SLC8A1: variants seen among roughly 807,000 people sequenced by gnomAD.
SLC8A1 encodes sodium/calcium exchanger 1.
SLC8A1 carries 18 observed loss-of-function variants against 68.3 expected under a neutral mutation model. The ratio of observed to expected loss-of-function variants is 0.26; its 90% CI spans 0.18 to 0.39. The LOEUF is 0.39. Ranked by LOEUF, SLC8A1 falls within the 10% of genes least tolerant of loss-of-function variation. The pLI is 1.00. For missense variants in SLC8A1, 985 were observed against 1,156.7 expected (o/e 0.85, Z 2.15); for synonymous variants, 475 against 415.5 (o/e 1.14, Z -1.74).
intron 2 of SLC8A1, among the ~76,000 whole-genome samples, chr2:40,324,698 T>G (rs942521584): frequency 4.6e-5 from 7 of 152,024 alleles, no homozygotes; most frequent in African/African-American, 1.7e-4. Context: ...CTCCCTGTCT[T>G]TCTCTCTCTC....
At chr2:40,221,885 G>A (rs1213638001) in intron 2 of SLC8A1, among the ~76,000 whole-genome samples, 1 of 152,176 alleles carries the variant, frequency 6.6e-6, no homozygotes, top group Non-Finnish European at 1.5e-5. Context: ...CAAACAAATG[G>A]AAAAGCATTC....
chr2:40,228,087 A>T (rs1297643846), intron 2 of SLC8A1, among the ~76,000 whole-genome samples: 2 of 152,132 alleles, frequency 1.3e-5, no homozygotes, highest in African/African-American at 4.8e-5. Flanking sequence ...TTAAAAAACC[A>T]TTTGTCTTGA....
chr2:40,429,065 C>A (rs377398630), exon 2 of SLC8A1: 1 of 1,611,980 alleles, frequency 6.2e-7, no homozygotes, highest in Admixed American at 1.7e-5. Flanking sequence ...ATCTTACTAA[C>A]AGGGTCATTT....
At chr2:40,357,348 T>C (rs892041802) in intron 2 of SLC8A1, among the ~76,000 whole-genome samples, 2 of 150,962 alleles carry the variant, frequency 1.3e-5, no homozygotes, top group African/African-American at 4.9e-5. Flanking sequence ...TTTTTTTTAA[T>C]TAGCCAAATG....
intron 2 of SLC8A1, among the ~76,000 whole-genome samples, chr2:40,415,443 A>C (rs1693513716): frequency 6.6e-6 from 1 of 152,054 alleles, no homozygotes; most frequent in African/African-American, 2.4e-5. Context: ...AAAAAAAAGA[A>C]AACTGCCAAT....
intron 1 of SLC8A1, among the ~76,000 whole-genome samples, chr2:40,474,404 GA>G (rs1331009851): frequency 2.6e-5 from 4 of 152,134 alleles, no homozygotes; most frequent in African/African-American, 9.7e-5. Flanking sequence ...TGGTTTCTCA[GA>G]AAAGAAACCT....
At chr2:40,429,017 A>C in exon 2 of SLC8A1, 2 of 1,613,608 alleles carry the variant, frequency 1.2e-6, no homozygotes, top group Non-Finnish European at 1.7e-6. Context: ...ACAGTACCAC[A>C]GTTCTCCAGA....
At chr2:40,382,931 CT>C (rs1682375201) in intron 2 of SLC8A1, among the ~76,000 whole-genome samples, 1 of 152,008 alleles carries the variant, frequency 6.6e-6, no homozygotes, top group Non-Finnish European at 1.5e-5. Context: ...ATTAATTCAT[CT>C]GAATAAACAC....
At chr2:40,462,001 C>CTTTTTTTTTTTTTATTTTTTTTTTT (rs1703369319) in intron 1 of SLC8A1, among the ~76,000 whole-genome samples, 1 of 66,176 alleles carries the variant, frequency 1.5e-5, no homozygotes, top group Non-Finnish European at 2.9e-5. Context: ...TAAAATCCTC[C>CTTTTTTTTTTTTTATTTTTTTTTTT]TTTTTTTTTT....
chr2:40,127,445 G>A (rs1015157881), intron 7 of SLC8A1, among the ~76,000 whole-genome samples: 4 of 152,196 alleles, frequency 2.6e-5, no homozygotes, highest in Middle Eastern at 3.4e-3. Context: ...GTTAGTTTTG[G>A]GGTTCTGATT....
In SLC8A1 at chr2:40,399,442, A is replaced by G. The variant is rs376857121; in HGVS notation, c.1808+29031T>C. Among the ~76,000 whole-genome samples the G allele has an allele frequency of 1.1e-3, 167 of 152,268 alleles. 6 individuals carry two copies. In the South Asian group the frequency reaches 0.034, roughly 31 times the overall value. On this transcript the variant is annotated intron_variant, in intron 2 of 7. Coordinates refer to ENST00000406785, the Ensembl canonical transcript of SLC8A1. The stretch of plus-strand genomic sequence containing the variant: ...CTGCAACCTTGCTGCAGCTTAGGCT[A>G]GGCTCTTAGGATGACCTTCTCAAAA...
At chr2:40,440,207 T>G (rs189831574) in intron 1 of SLC8A1, among the ~76,000 whole-genome samples, 95 of 152,210 alleles carry the variant, frequency 6.2e-4, no homozygotes, top group African/African-American at 2.2e-3. Flanking sequence ...TAAAATTGGC[T>G]TAAGTGGTAT....
At chr2:40,426,918 G>A (rs1159533965) in intron 2 of SLC8A1, among the ~76,000 whole-genome samples, 1 of 151,530 alleles carries the variant, frequency 6.6e-6, no homozygotes, top group Non-Finnish European at 1.5e-5. Context: ...TGTTAACCTG[G>A]GCACACATGA....
chr2:40,393,370 T>C (rs571708141), intron 2 of SLC8A1, among the ~76,000 whole-genome samples: 1 of 152,242 alleles, frequency 6.6e-6, no homozygotes, highest in African/African-American at 2.4e-5. Flanking sequence ...TTGCTTTATC[T>C]GGTAGTATAA....
intron 2 of SLC8A1, among the ~76,000 whole-genome samples, chr2:40,307,147 A>ACT (rs1491340027): frequency 6.2e-5 from 3 of 48,150 alleles, no homozygotes; most frequent in African/African-American, 5.7e-4. Flanking sequence ...AATGTGATAT[A>ACT]CACACACACA....
At chr2:40,269,093 T>C (rs1000793328) in intron 2 of SLC8A1, among the ~76,000 whole-genome samples, 1 of 152,190 alleles carries the variant, frequency 6.6e-6, no homozygotes, top group Non-Finnish European at 1.5e-5. Flanking sequence ...GATAATCTGG[T>C]GTTAAAAAGT....
chr2:40,409,253 T>C (rs1691364370), intron 2 of SLC8A1, among the ~76,000 whole-genome samples: 1 of 152,122 alleles, frequency 6.6e-6, no homozygotes, highest in African/African-American at 2.4e-5. Flanking sequence ...CAATCATATT[T>C]TGTTACTAGG....
intron 2 of SLC8A1, among the ~76,000 whole-genome samples, chr2:40,241,602 T>C (rs1014036577): frequency 2.0e-5 from 3 of 152,226 alleles, no homozygotes; most frequent in Non-Finnish European, 4.4e-5. Flanking sequence ...TCCCCTAACC[T>C]TGAGGTGTGA....
chr2:40,416,262 T>C (rs962774427), intron 2 of SLC8A1, among the ~76,000 whole-genome samples: 1 of 152,154 alleles, frequency 6.6e-6, no homozygotes, highest in African/African-American at 2.4e-5. Context: ...GGTCAACTTA[T>C]ATAAGACACT....
Sources: gnomAD v4.1 joint callset for allele counts (sites outside exome capture counted in the v4.1 genomes callset) on GRCh38, gnomAD v4.1.1 for gene constraint, MANE v1.5 for transcripts, NCBI Gene and HGNC (gene_info 2026-07-23, HGNC 2026-07-21) for gene names.